The following ERBB4 variants were observed in gnomAD, a reference collection of about 807,000 sequenced individuals.
ERBB4 encodes erb-b2 receptor tyrosine kinase 4, also known as receptor tyrosine-protein kinase erbB-4.
In ERBB4, 42 loss-of-function variants were observed where a neutral mutation model predicts 158.0. That is an observed-to-expected ratio of 0.27 (90% CI 0.21 to 0.34). ERBB4 has a LOEUF of 0.34. ERBB4 is among the 10% of genes least tolerant of loss of function. The pLI is 1.00. For missense variants in ERBB4, 1,333 were observed against 1,624.1 expected, an observed-to-expected ratio of 0.82 and a Z score of 3.08; for synonymous variants, 583 against 558.7, an observed-to-expected ratio of 1.04 and a Z score of -0.61.
chr2:212,097,124 A>G (rs1213251504), intron 2 of ERBB4, among the ~76,000 whole-genome samples: 1 of 152,158 alleles, frequency 6.6e-6, no homozygotes, highest in Admixed American at 6.5e-5. Context: ...ATTGAGATGA[A>G]AGATAAATGT....
chr2:211,767,692 T>G (rs1354365059), intron 4 of ERBB4, among the ~76,000 whole-genome samples: 2 of 152,134 alleles, frequency 1.3e-5, no homozygotes, highest in Non-Finnish European at 2.9e-5. Flanking sequence ...CCATCAGATC[T>G]TGTAAGAACT....
chr2:211,440,863 A>T (rs1297998646), intron 20 of ERBB4, among the ~76,000 whole-genome samples: 1 of 152,214 alleles, frequency 6.6e-6, no homozygotes, highest in Non-Finnish European at 1.5e-5. Context: ...GAGTATCCAC[A>T]TAAGGGGTTG....
At chr2:211,474,234 A>C (rs2064899647) in intron 20 of ERBB4, among the ~76,000 whole-genome samples, 1 of 152,072 alleles carries the variant, frequency 6.6e-6, no homozygotes, top group Non-Finnish European at 1.5e-5. Flanking sequence ...TCTCTGGTCT[A>C]GAATACCTAA....
At chr2:211,505,959 CA>C (rs529052924) in intron 20 of ERBB4, among the ~76,000 whole-genome samples, 4,149 of 94,664 alleles carry the variant, frequency 0.044, 177 homozygotes, top group African/African-American at 0.13. Flanking sequence ...GACTCCATCT[CA>C]AAAAAAAAAA....
In ERBB4 at chr2:211,383,995, A is replaced by G. The variant is rs773536989; in HGVS notation, c.3547T>C (p.Leu1183=). 35 of 1,613,974 alleles carry G rather than the reference A, an allele frequency of 2.2e-5. 1 individual carries two copies. In the East Asian group the frequency reaches 5.1e-4, roughly 24 times the overall value. Reference sequence around the variant, plus strand: ...GCATTGTGATATTCGGGATTATCCAATGCTTGAAGGTCTCCATTTTTTCTC... The same window carrying G: ...GCATTGTGATATTCGGGATTATCCAGTGCTTGAAGGTCTCCATTTTTTCTC... ...SRRKNGDLQA[L]DNPEYHNASN... Residue 1183 remains leucine (L), a synonymous_variant, in exon 28 of 28, where the codon TTG becomes CTG. Coordinates refer to ENST00000342788, the MANE Select transcript of ERBB4 (RefSeq NM_005235.3).
chr2:212,330,491 C>T (rs576801451), intron 1 of ERBB4, among the ~76,000 whole-genome samples: 2 of 151,968 alleles, frequency 1.3e-5, no homozygotes, highest in Admixed American at 1.3e-4. Flanking sequence ...GTGGCGGGTG[C>T]TTGTAGTACC....
intron 1 of ERBB4, among the ~76,000 whole-genome samples, chr2:212,431,394 T>C (rs1266505488): frequency 6.6e-6 from 1 of 151,184 alleles, no homozygotes; most frequent in East Asian, 1.9e-4. Context: ...CAGTAATTCC[T>C]GCAGGCTCCC....
intron 2 of ERBB4, among the ~76,000 whole-genome samples, chr2:212,012,565 C>T (rs898409634): frequency 1.3e-5 from 2 of 151,920 alleles, no homozygotes; most frequent in Non-Finnish European, 2.9e-5. Flanking sequence ...CAGGCGCTTG[C>T]CGCCATGTCC....
At chr2:212,311,510 A>G (rs1358002409) in intron 1 of ERBB4, among the ~76,000 whole-genome samples, 4 of 150,870 alleles carry the variant, frequency 2.7e-5, no homozygotes, top group Non-Finnish European at 6.0e-5. Context: ...TGAATATGTC[A>G]CTATGTTTAG....
chr2:212,232,779 G>T (rs2083714376), intron 1 of ERBB4, among the ~76,000 whole-genome samples: 2 of 152,116 alleles, frequency 1.3e-5, no homozygotes, highest in Admixed American at 6.6e-5. Flanking sequence ...CACATAGATA[G>T]CATGGTAACA....
chr2:211,406,818 T>C (rs1002018280), intron 25 of ERBB4, among the ~76,000 whole-genome samples: 4 of 152,130 alleles, frequency 2.6e-5, no homozygotes, highest in Admixed American at 6.6e-5. Context: ...CAGTGCCTCA[T>C]GCTTATAATC....
At position 211,378,270 on chromosome 2, in the gene ERBB4, C is replaced by T. The variant is rs988782789; in HGVS notation, c.*5345G>A. The T allele has an allele frequency of 4.3e-6, 1 of 232,722 alleles. No individual in the cohort carries two copies. 14.4% of individuals were successfully genotyped at this position (232,722 alleles called of 1,614,324 possible). ...TTCCAGAGGAAGCATGTGAATACCC[C>T]CCGTGAAATTGGGGCTTAGAGTCAT... On this transcript the variant is annotated 3_prime_UTR_variant, in exon 28 of 28. Transcript: ENST00000342788.
chr2:211,490,817 AAG>A (rs1426852757), intron 20 of ERBB4, among the ~76,000 whole-genome samples: 2 of 152,250 alleles, frequency 1.3e-5, no homozygotes, highest in African/African-American at 2.4e-5. Flanking sequence ...GTGGGGAAGA[AAG>A]AGACATCTTT....
chr2:211,964,636 T>G (rs1019815352), intron 2 of ERBB4, among the ~76,000 whole-genome samples: 1 of 152,164 alleles, frequency 6.6e-6, no homozygotes, highest in African/African-American at 2.4e-5. Context: ...TGATATAATC[T>G]CTACTAGCTG....
chr2:212,402,514 A>T (rs1359910767), intron 1 of ERBB4, among the ~76,000 whole-genome samples: 2 of 152,106 alleles, frequency 1.3e-5, no homozygotes, highest in African/African-American at 4.8e-5. Flanking sequence ...GAGAAACCTG[A>T]ATAAGACCAG....
intron 18 of ERBB4, among the ~76,000 whole-genome samples, chr2:211,620,997 C>A (rs530648822): frequency 6.6e-6 from 1 of 152,068 alleles, no homozygotes; most frequent in South Asian, 2.1e-4. Context: ...TGCCTGTGGT[C>A]CCAGCTACTC....
intron 1 of ERBB4, among the ~76,000 whole-genome samples, chr2:212,499,626 A>G (rs1690771501): frequency 6.6e-6 from 1 of 152,138 alleles, no homozygotes; most frequent in Admixed American, 6.5e-5. Flanking sequence ...TTGCCAAAAG[A>G]TGACTGACAG....
chr2:212,533,136 C>G (rs1692845935), intron 1 of ERBB4, among the ~76,000 whole-genome samples: 1 of 152,068 alleles, frequency 6.6e-6, no homozygotes, highest in Non-Finnish European at 1.5e-5. Flanking sequence ...GGAAATTGCC[C>G]TCAAATACAA....
intron 2 of ERBB4, among the ~76,000 whole-genome samples, chr2:211,958,277 G>T (rs1425613179): frequency 6.6e-6 from 1 of 152,012 alleles, no homozygotes; most frequent in African/African-American, 2.4e-5. Context: ...TACGCAATAG[G>T]CATTCTATGG....
Sources: gnomAD v4.1 joint callset for allele counts (sites outside exome capture counted in the v4.1 genomes callset) on GRCh38, gnomAD v4.1.1 for gene constraint, MANE v1.5 for transcripts, NCBI Gene and HGNC (gene_info 2026-07-23, HGNC 2026-07-21) for gene names.